DIP2A: variants seen among roughly 807,000 people sequenced by gnomAD.
The protein encoded by DIP2A is disco-interacting protein 2 homolog A.
A neutral mutation model predicts 177.4 loss-of-function variants in DIP2A; 85 were observed. The observed-to-expected ratio is 0.48, with a 90% CI of 0.40 to 0.57. The LOEUF (loss-of-function observed/expected upper bound fraction) is 0.57, where lower values mean the gene tolerates loss of function less well. DIP2A is among the 20% of genes least tolerant of loss of function. The pLI is 0.00. For missense variants in DIP2A, 1,791 were observed against 2,100.2 expected, an observed-to-expected ratio of 0.85 and a Z score of 2.88; for synonymous variants, 886 against 881.8, an observed-to-expected ratio of 1.00 and a Z score of -0.08.
intron 20 of DIP2A, among the ~76,000 whole-genome samples, chr21:46,546,567 C>G (rs949260068): frequency 5.3e-5 from 8 of 152,188 alleles, no homozygotes; most frequent in African/African-American, 1.4e-4. Context: ...AGTTTTCAGT[C>G]CTTCACAAAC....
intron 1 of DIP2A, 76 bp from the exon 2 acceptor site, chr21:46,484,681 A>G: frequency 2.3e-6 from 3 of 1,300,140 alleles, no homozygotes; most frequent in Non-Finnish European, 3.2e-6. Flanking sequence ...CAGTTTTTCA[A>G]TCATAAATTG....
intron 33 of DIP2A, chr21:46,561,365 A>G (rs1350948069): frequency 5.7e-6 from 2 of 353,878 alleles, no homozygotes; most frequent in Non-Finnish European, 1.1e-5. Flanking sequence ...TCAGATGTGT[A>G]TCAGGGCCCC....
chr21:46,549,620 G>C, intron 21 of DIP2A, 151 bp from the exon 22 acceptor site: 3 of 1,390,114 alleles, frequency 2.2e-6, no homozygotes, highest in East Asian at 2.5e-5. Context: ...AGAATGATGA[G>C]TTACTTTTTG....
rs764873128 is a variant in DIP2A, at chr21:46,556,969, C to T, written c.3529C>T (p.Arg1177Cys). The stretch of plus-strand genomic sequence containing the variant: ...GCACGCGGCCACAAGCGCCTTATGC[C>T]GCTCCATAAAGCTGCAGTGTGAGCT... ...MSHAATSALCRSIKLQCELYP... is the reference protein window; with the variant it reads ...MSHAATSALCCSIKLQCELYP... Residue 1177 changes from arginine (R) to cysteine (C), a missense_variant, in exon 30 of 38, where the codon CGC becomes TGC. Transcript: ENST00000417564. This position sits in a 1 kb window ranked among gnomAD's most constrained non-coding sequence, Gnocchi z 4.5. 26 of 1,594,268 alleles carry T rather than the reference C, an allele frequency of 1.6e-5. No individual in the cohort carries two copies. In the Admixed American group the frequency reaches 2.8e-4, roughly 17 times the overall value.
intron 1 of DIP2A, among the ~76,000 whole-genome samples, chr21:46,481,534 A>G (rs1313312039): frequency 6.6e-6 from 1 of 152,214 alleles, no homozygotes; most frequent in African/African-American, 2.4e-5. Context: ...GAACTTCCAC[A>G]CTGTTTTCCA....
At chr21:46,571,731 A>G (rs1326468475), downstream of DIP2A, among the ~76,000 whole-genome samples, 1 of 152,094 alleles carries the variant, frequency 6.6e-6, no homozygotes, top group Non-Finnish European at 1.5e-5. Flanking sequence ...AATGCTTGTG[A>G]TTTTTGCACA....
At chr21:46,524,765 C>T (rs2058988490) in intron 8 of DIP2A, among the ~76,000 whole-genome samples, 1 of 151,940 alleles carries the variant, frequency 6.6e-6, no homozygotes, top group African/African-American at 2.4e-5. Flanking sequence ...TCAGTAATAC[C>T]TTGCGAGAGT....
At chr21:46,572,741 T>G (rs1045891033), downstream of DIP2A, among the ~76,000 whole-genome samples, 5 of 152,232 alleles carry the variant, frequency 3.3e-5, no homozygotes, top group African/African-American at 1.2e-4. Context: ...CATGTTTTTC[T>G]TATAATGTAG....
intron 8 of DIP2A, among the ~76,000 whole-genome samples, chr21:46,512,478 A>G (rs1245853938): frequency 1.3e-5 from 2 of 152,158 alleles, no homozygotes; most frequent in Non-Finnish European, 2.9e-5. Context: ...ATTTCATTAT[A>G]GTCTTTGTTG....
the DIP2A span, among the ~76,000 whole-genome samples, chr21:46,581,162 A>T: frequency 2.6e-5 from 4 of 151,954 alleles, no homozygotes; most frequent in Non-Finnish European, 5.9e-5. Context: ...TTTTTTCTTT[A>T]ATCTTGTCTG....
intron 9 of DIP2A, among the ~76,000 whole-genome samples, chr21:46,530,238 G>C (rs2059299382): frequency 6.6e-6 from 1 of 152,210 alleles, no homozygotes; most frequent in Non-Finnish European, 1.5e-5. Context: ...AAGGTCACCT[G>C]TGTCAGATCA....
chr21:46,489,975 T>C (rs956757401), intron 2 of DIP2A, among the ~76,000 whole-genome samples: 1 of 152,154 alleles, frequency 6.6e-6, no homozygotes, highest in Non-Finnish European at 1.5e-5. Flanking sequence ...GACCTTGATC[T>C]GCCCTGATTT....
Position 46,533,566 on chromosome 21 carries a change from G to A in DIP2A, c.1348G>A (p.Gly450Arg). ...QQVGFLLGSC[G>R]VFLALTTDAC... is the part of the protein sequence containing the mutation. ...GGTTGGGTTTCTGCTGGGCAGCTGTGGAGTCTTCTTGGCCCTGACCACAGA... is the reference window on the plus strand; with the variant it reads ...GGTTGGGTTTCTGCTGGGCAGCTGTAGAGTCTTCTTGGCCCTGACCACAGA... The change falls in exon 11 of 38, where the codon GGA becomes AGA. Residue 450 changes from glycine (G) to arginine (R), a missense_variant. Coordinates refer to ENST00000417564, the MANE Select transcript of DIP2A (RefSeq NM_015151.4). 1 of 1,614,010 alleles carries A rather than the reference G, an allele frequency of 6.2e-7. No homozygotes were observed. The highest frequency in any genetic ancestry group is 8.5e-7 in the Non-Finnish European group (1 of 1,179,898).
intron 35 of DIP2A, 41 bp from the exon 36 acceptor site, chr21:46,565,672 G>C (rs748445378): frequency 2.0e-5 from 31 of 1,572,872 alleles, no homozygotes; most frequent in African/African-American, 2.7e-5. Context: ...TGAACTCGGT[G>C]GTTGGTAACA....
chr21:46,545,756 G>A (rs1486795785), intron 19 of DIP2A, 125 bp from the exon 20 acceptor site: 2 of 1,139,486 alleles, frequency 1.8e-6, no homozygotes, highest in Non-Finnish European at 2.5e-6. Context: ...TGCAGGGCCA[G>A]CCTCCTTTTT....
chr21:46,490,596 T>G lies in DIP2A; in HGVS notation c.164-4T>G. On this transcript the variant is annotated splice_region_variant and splice_polypyrimidine_tract_variant and intron_variant, in intron 2 of 37. Coordinates refer to ENST00000417564, the MANE Select transcript of DIP2A (RefSeq NM_015151.4). ...TAAGGTATTCCCATAAAATTGTGTTTCAGGAATAGACCCATCTCTGCAAGC... is the reference window on the plus strand; with the variant it reads ...TAAGGTATTCCCATAAAATTGTGTTGCAGGAATAGACCCATCTCTGCAAGC... 1 of 1,554,162 alleles carries G rather than the reference T, an allele frequency of 6.4e-7. No homozygotes were observed. The highest frequency in any genetic ancestry group is 8.7e-7 in the Non-Finnish European group (1 of 1,149,922).
At chr21:46,577,547 C>G in the DIP2A span, among the ~76,000 whole-genome samples, 56 of 152,082 alleles carry the variant, frequency 3.7e-4, no homozygotes, top group Non-Finnish European at 6.3e-4. Context: ...TGCTGTATAG[C>G]TTGAAGTCCA....
downstream of DIP2A, among the ~76,000 whole-genome samples, chr21:46,574,019 C>G (rs1856925301): frequency 6.6e-6 from 1 of 152,164 alleles, no homozygotes; most frequent in African/African-American, 2.4e-5. Context: ...CAGACATATG[C>G]AGAACATTCT....
chr21:46,486,157 G>A (rs1480876423), intron 2 of DIP2A, among the ~76,000 whole-genome samples: 5 of 150,710 alleles, frequency 3.3e-5, no homozygotes, highest in East Asian at 2.0e-4. Context: ...TTGCAGTAAC[G>A]GACATGTTCT....
Sources: allele counts gnomAD v4.1 joint callset (sites outside exome capture counted in the v4.1 genomes callset), GRCh38; gene constraint gnomAD v4.1.1; non-coding constraint Gnocchi (gnomAD v3.1); transcripts MANE v1.5; gene names NCBI Gene and HGNC (gene_info 2026-07-23, HGNC 2026-07-21).